CPD: variants seen among roughly 807,000 people sequenced by gnomAD.
The protein encoded by CPD is metallocarboxypeptidase D.
A neutral mutation model predicts 138.3 loss-of-function variants in CPD; 69 were observed. The ratio of observed to expected loss-of-function variants is 0.50; its 90% CI spans 0.41 to 0.61. The LOEUF is 0.61. CPD is among the 20% of genes least tolerant of loss of function. CPD has a pLI of 0.00. For synonymous variants in CPD, 651 were observed against 642.1 expected (o/e 1.01, Z -0.21); for missense variants, 1,432 against 1,733.3 (o/e 0.83, Z 3.09).
intron 19 of CPD, 137 bp from the exon 20 acceptor site, chr17:30,462,233 A>G: frequency 9.4e-7 from 1 of 1,065,266 alleles, no homozygotes; most frequent in Non-Finnish European, 1.3e-6. Flanking sequence ...ACAAAAGGGA[A>G]AATTTTCTAG....
chr17:30,385,344 A>C lies in CPD; in HGVS notation c.994+108A>C. The C allele has an allele frequency of 8.2e-6, 11 of 1,341,654 alleles. 1 individual carries two copies. The South Asian group carries it at 1.7e-4, about 21-fold the overall frequency. The allele number at this position is 1,341,654 out of a possible 1,614,324, so 83.1% of individuals were successfully genotyped here. On this transcript the variant is annotated intron_variant, in intron 2 of 20. Transcript: ENST00000225719. ...CTCTGTAGAAATCTAACTTTAAAAG[A>C]TATTTATTTTTATTTTGAAAATTTC...
intron 2 of CPD, among the ~76,000 whole-genome samples, chr17:30,401,521 T>C (rs1197602333): frequency 6.6e-6 from 1 of 151,956 alleles, no homozygotes; most frequent in Non-Finnish European, 1.5e-5. Flanking sequence ...TTTGGCTGTG[T>C]TTCCCAGGCT....
At position 30,469,177 on chromosome 17, in the gene CPD, T is replaced by A. The variant is rs569246809; in HGVS notation, c.*4363T>A. 1 of 152,314 alleles carries A rather than the reference T, an allele frequency of 6.6e-6. No homozygotes were observed. Among genetic ancestry groups the A allele is most frequent in the African/African-American group, 2.4e-5 (1 of 41,578 alleles). The allele number at this position is 152,314 out of a possible 1,614,324, so 9.4% of individuals were successfully genotyped here. A position where few individuals can be genotyped will look rare whatever the true frequency, so the allele number is the denominator to read the frequency against. ...AAGCAAAGTTGTATGAGAAACAGAC[T>A]CTGCTGATAAAGTACTCATAGTCCA... On this transcript the variant is annotated 3_prime_UTR_variant, in exon 21 of 21. Coordinates refer to ENST00000225719, the MANE Select transcript of CPD (RefSeq NM_001304.5).
intron 7 of CPD, among the ~76,000 whole-genome samples, chr17:30,428,898 A>G (rs1912491400): frequency 6.7e-6 from 1 of 149,660 alleles, no homozygotes. Context: ...AAAAAAAGTG[A>G]CAAGTATTAG....
At chr17:30,419,743 C>T (rs1282604281) in intron 2 of CPD, among the ~76,000 whole-genome samples, 7 of 152,166 alleles carry the variant, frequency 4.6e-5, no homozygotes, top group African/African-American at 1.7e-4. Flanking sequence ...AATAAAGACC[C>T]ATGTTAATGC....
rs1911144016 is a variant in CPD at position 30,385,091 on chromosome 17, AGAT to A, written c.855_857del (p.Asp285del). On this transcript the variant is annotated inframe_deletion, in exon 2 of 21. Coordinates refer to ENST00000225719, the MANE Select transcript of CPD (RefSeq NM_001304.5). ...CCACTGGAATCTATAGCAAAACCTC[AGAT>A]GATGAAGTATTTAAATACTTGGCAA... 1 of 1,614,026 alleles carries A rather than the reference AGAT, an allele frequency of 6.2e-7. No individual in the cohort carries two copies. Among genetic ancestry groups the A allele is most frequent in the Non-Finnish European group, 8.5e-7 (1 of 1,179,998 alleles).
At chr17:30,449,456 TTG>T in intron 12 of CPD, 95 bp from the exon 13 acceptor site, 2 of 1,140,756 alleles carry the variant, frequency 1.8e-6, no homozygotes, top group Non-Finnish European at 2.5e-6. Context: ...TTAAAACTTT[TTG>T]TGTTTTGTTT....
chr17:30,405,812 A>T (rs763852086), intron 2 of CPD, among the ~76,000 whole-genome samples: 1 of 152,092 alleles, frequency 6.6e-6, no homozygotes, highest in Non-Finnish European at 1.5e-5. Flanking sequence ...GGTACAGTTT[A>T]ACTTCTAAAT....
intron 2 of CPD, among the ~76,000 whole-genome samples, chr17:30,412,069 T>G (rs1410089512): frequency 6.6e-6 from 1 of 152,218 alleles, no homozygotes; most frequent in East Asian, 1.9e-4. Context: ...TTTGCTGATG[T>G]TGATGCTATT....
chr17:30,436,542 G>C (rs1912706525), intron 8 of CPD, among the ~76,000 whole-genome samples: 1 of 152,192 alleles, frequency 6.6e-6, no homozygotes, highest in African/African-American at 2.4e-5. Flanking sequence ...TTAGCCATTA[G>C]AGAAATGCAA....
At chr17:30,453,069 G>A (rs1179725998) in intron 14 of CPD, among the ~76,000 whole-genome samples, 1 of 152,136 alleles carries the variant, frequency 6.6e-6, no homozygotes, top group Non-Finnish European at 1.5e-5. Flanking sequence ...TGAGATTTGA[G>A]TGGGGACACA....
chr17:30,379,436 G>C lies in CPD; in HGVS notation c.456G>C (p.Leu152Phe), dbSNP rs1458371129. 5 of 1,568,264 alleles carry C rather than the reference G, an allele frequency of 3.2e-6. No homozygotes were observed. The highest frequency in any genetic ancestry group is 1.7e-4 in the Middle Eastern group (1 of 5,958). The change falls in exon 1 of 21, where the codon TTG (leucine) becomes TTC (phenylalanine). Residue 152 changes from leucine (L) to phenylalanine (F), a missense_variant. This residue lies in a region of CPD where 484 missense variants were observed against 477.2 expected (regional missense o/e 1.01). Transcript: ENST00000225719. This position sits in a 1 kb window ranked among gnomAD's most constrained non-coding sequence, Gnocchi z 7.0. ...ETVSRQVLIY[L>F]ARELAAGYRR... is the part of the protein sequence containing the mutation. ...TGTCGCGCCAGGTGTTGATCTACTT[G>C]GCCCGCGAGCTGGCGGCCGGCTACC...
At chr17:30,389,995 CA>C (rs1911306535) in intron 2 of CPD, among the ~76,000 whole-genome samples, 1 of 151,284 alleles carries the variant, frequency 6.6e-6, no homozygotes, top group African/African-American at 2.4e-5. Flanking sequence ...GGCATATATT[CA>C]AAAAACCCGG....
intron 17 of CPD, among the ~76,000 whole-genome samples, chr17:30,460,494 TAG>T (rs143440302): frequency 0.013 from 1,931 of 152,164 alleles, 26 homozygotes; most frequent in Non-Finnish European, 0.021. Flanking sequence ...GCAACGAGAG[TAG>T]AGTCAAAGGA....
Position 30,464,889 on chromosome 17 carries a change from A to G in CPD, c.*75A>G. 1.8e-6 allele frequency: 2 copies of G among 1,130,718 alleles called. No homozygotes were observed. Among genetic ancestry groups the G allele is most frequent in the Non-Finnish European group, 2.6e-6 (2 of 754,992 alleles). The allele number at this position is 1,130,718 out of a possible 1,614,324, so 70.0% of individuals were successfully genotyped here. On this transcript the variant is annotated 3_prime_UTR_variant, in exon 21 of 21. Transcript: ENST00000225719. ...TTCCTCTTGGGAGAACACTGCATTAAGAAGAGAGACTCTCTTGCTTCTTCA... is the reference window on the plus strand; with the variant it reads ...TTCCTCTTGGGAGAACACTGCATTAGGAAGAGAGACTCTCTTGCTTCTTCA...
intron 7 of CPD, among the ~76,000 whole-genome samples, chr17:30,429,881 A>G (rs913347293): frequency 5.3e-5 from 8 of 152,188 alleles, no homozygotes; most frequent in Admixed American, 5.2e-4. Context: ...TGACTATCCC[A>G]TCTCTGATGG....
At chr17:30,385,965 G>A (rs1365497147) in intron 2 of CPD, among the ~76,000 whole-genome samples, 1 of 151,858 alleles carries the variant, frequency 6.6e-6, no homozygotes, top group Non-Finnish European at 1.5e-5. Context: ...GCTGCAAGTG[G>A]CCAAGTTGGA....
chr17:30,406,848 G>GT (rs1401435565), intron 2 of CPD, among the ~76,000 whole-genome samples: 1 of 152,030 alleles, frequency 6.6e-6, no homozygotes, highest in Admixed American at 6.6e-5. Flanking sequence ...AAGTTCTAGG[G>GT]TACATGTGCA....
chr17:30,461,151 C>A, intron 17 of CPD, 29 bp from the exon 18 acceptor site: 2 of 1,536,544 alleles, frequency 1.3e-6, no homozygotes, highest in South Asian at 1.2e-5. Flanking sequence ...TTAATTTTCC[C>A]ACATTTGATT....
Sources: allele counts gnomAD v4.1 joint callset (sites outside exome capture counted in the v4.1 genomes callset), GRCh38; gene constraint gnomAD v4.1.1; regional missense constraint gnomAD v4.1.1; non-coding constraint Gnocchi (gnomAD v3.1); transcripts MANE v1.5; gene names NCBI Gene and HGNC (gene_info 2026-07-23, HGNC 2026-07-21).